The following MEIG1 variants were observed in gnomAD, a reference collection of about 807,000 sequenced individuals.
MEIG1 encodes the protein meiosis/spermiogenesis associated 1.
MEIG1 carries 12 observed loss-of-function variants against 11.3 expected under a neutral mutation model. The ratio of observed to expected loss-of-function variants is 1.07; its 90% CI spans 0.68 to 1.73. The LOEUF (loss-of-function observed/expected upper bound fraction) is 1.73, where lower values mean the gene tolerates loss of function less well. Among genes scored for constraint, MEIG1 ranks in the 40% most tolerant of loss-of-function variants. MEIG1 has a pLI of 0.00. For synonymous variants in MEIG1, 41 were observed against 33.2 expected, an observed-to-expected ratio of 1.24 and a Z score of -0.81; for missense variants, 119 against 104.9, an observed-to-expected ratio of 1.13 and a Z score of -0.59.
At chr10:14,961,861 G>A (rs1028372467) in intron 1 of MEIG1, among the ~76,000 whole-genome samples, 2 of 151,778 alleles carry the variant, frequency 1.3e-5, no homozygotes, top group African/African-American at 2.4e-5. Context: ...AGGCTGGAAT[G>A]CAGTGACTTG....
At position 14,966,585 on chromosome 10, in the gene MEIG1, A is replaced by C. The variant is rs749117126; in HGVS notation, c.117A>C (p.Arg39Ser). 3.1e-6 allele frequency: 5 copies of C among 1,609,946 alleles called. No individual in the cohort carries two copies. The highest frequency in any genetic ancestry group is 4.2e-6 in the Non-Finnish European group (5 of 1,178,868). ...GATATCGGGATGAAACCGAATATAG[A>C]CAAGTGAAACAAGTTTCTATGGTAA... ...QAGYRDETEY[R>S]QVKQVSMVDR... Residue 39 changes from arginine to serine, a missense_variant, in exon 2 of 3, where the codon AGA becomes AGC. Transcript: ENST00000407572.
At chr10:14,979,547 T>C (rs1787094287) in intron 1 of MEIG1, among the ~76,000 whole-genome samples, 1 of 152,040 alleles carries the variant, frequency 6.6e-6, no homozygotes, top group African/African-American at 2.4e-5. Flanking sequence ...TGTGTTATTA[T>C]TACTAATATT....
the MEIG1 span, chr10:14,954,258 C>T: frequency 6.6e-6 from 4 of 609,252 alleles, no homozygotes; most frequent in Non-Finnish European, 1.2e-5. Flanking sequence ...CTGAGCCCTG[C>T]CCAGTGCAAG....
chr10:14,965,012 C>G (rs553379223), intron 1 of MEIG1, among the ~76,000 whole-genome samples: 3 of 152,144 alleles, frequency 2.0e-5, no homozygotes, highest in East Asian at 1.9e-4. Context: ...GTCTTGAACT[C>G]CTGACCTCAG....
intron 1 of MEIG1, among the ~76,000 whole-genome samples, chr10:14,961,473 A>G (rs10906779): frequency 0.096 from 14,626 of 151,582 alleles, 1,449 homozygotes; most frequent in East Asian, 0.27. Flanking sequence ...TAGATGTCAA[A>G]TTTATTTATT....
chr10:14,954,687 C>T (rs1043673530), upstream of MEIG1, among the ~76,000 whole-genome samples: 1 of 152,016 alleles, frequency 6.6e-6, no homozygotes, highest in South Asian at 2.1e-4. Context: ...TCCCCTGGGC[C>T]CCCACCTTTT....
At chr10:14,981,819 C>G (rs1276894371) in intron 1 of MEIG1, among the ~76,000 whole-genome samples, 1 of 152,220 alleles carries the variant, frequency 6.6e-6, no homozygotes, top group Admixed American at 6.5e-5. Context: ...GACAGCCAAG[C>G]TGAGTTTCTT....
chr10:14,977,680 G>C (rs184854862), downstream of MEIG1, among the ~76,000 whole-genome samples: 129 of 145,018 alleles, frequency 8.9e-4, no homozygotes, highest in African/African-American at 3.2e-3. Context: ...GGTATACCCT[G>C]TGATATTATT....
At chr10:14,962,441 C>T (rs541026372) in intron 1 of MEIG1, among the ~76,000 whole-genome samples, 47 of 152,180 alleles carry the variant, frequency 3.1e-4, no homozygotes, top group South Asian at 2.3e-3. Flanking sequence ...TAATAATAAC[C>T]GGAGGATGTC....
chr10:14,962,126 C>CT (rs1236592155), intron 1 of MEIG1, among the ~76,000 whole-genome samples: 2 of 152,056 alleles, frequency 1.3e-5, no homozygotes, highest in African/African-American at 4.8e-5. Context: ...TTTATCAATT[C>CT]TTTTTTTGGC....
At chr10:14,984,330 A>G (rs373847236) in intron 1 of MEIG1, among the ~76,000 whole-genome samples, 4 of 152,008 alleles carry the variant, frequency 2.6e-5, no homozygotes, top group Non-Finnish European at 5.9e-5. Context: ...ATCCTGGGAC[A>G]TTATTTTCCA....
chr10:14,987,222 T>A lies in MEIG1; in HGVS notation n.285+208T>A. On this transcript the variant is annotated intron_variant and non_coding_transcript_variant, in intron 2 of 2. Transcript: ENST00000467536. ...GGAACCGTGGCCGAAGTGAACCCGA[T>A]GTCAGCCCAGCACAGGTTGGAGAGG... The A allele has an allele frequency of 4.2e-6, 4 of 961,880 alleles. No individual in the cohort carries two copies. The East Asian group carries it at 1.1e-4, about 27-fold the overall frequency. 59.6% of individuals were successfully genotyped at this position (961,880 alleles called of 1,614,324 possible). A position where few individuals can be genotyped will look rare whatever the true frequency, so the allele number is the denominator to read the frequency against.
In MEIG1 at chr10:14,972,585, A is replaced by G. The variant is rs1843165173; in HGVS notation, c.211A>G (p.Lys71Glu). The change falls in exon 3 of 3, where the codon AAA becomes GAA. Residue 71 changes from lysine (K) to glutamate (E), a missense_variant. Physicochemically the swap from Lys to Glu is moderately conservative, Grantham distance 56 (BLOSUM62 1). Transcript: ENST00000407572. ...RRDNTFYYYN[K>E]QRECDDKEVH... ...GGACAATACGTTCTATTACTACAAC[A>G]AACAGAGGGAATGTGATGACAAAGA... 2 of 1,613,726 alleles carry G rather than the reference A, an allele frequency of 1.2e-6. No homozygotes were observed. Among genetic ancestry groups the G allele is most frequent in the Non-Finnish European group, 1.7e-6 (2 of 1,179,908 alleles).
At chr10:14,974,625 CTAA>C (rs1421725945), downstream of MEIG1, among the ~76,000 whole-genome samples, 2 of 151,880 alleles carry the variant, frequency 1.3e-5, no homozygotes, top group Non-Finnish European at 2.9e-5. Flanking sequence ...TTAATTGAGA[CTAA>C]TAACTATCAA....
Position 14,972,599 on chromosome 10 carries a change from T to C in MEIG1, c.225T>C (p.Cys75=). ...ATTACTACAACAAACAGAGGGAATGTGATGACAAAGAAGTCCACAAAGTGA... is the reference window on the plus strand; with the variant it reads ...ATTACTACAACAAACAGAGGGAATGCGATGACAAAGAAGTCCACAAAGTGA... The part of the protein sequence containing the change: ...TFYYYNKQRE[C]DDKEVHKVKI... Residue 75 remains cysteine (C), a synonymous_variant, in exon 3 of 3, where the codon TGT becomes TGC. Coordinates refer to ENST00000407572, the MANE Select transcript of MEIG1 (RefSeq NM_001080836.3). 6.2e-7 allele frequency: 1 copy of C among 1,613,180 alleles called. No individual in the cohort carries two copies.
chr10:14,959,212 G>A (rs1423197093), upstream of MEIG1, among the ~76,000 whole-genome samples: 2 of 152,192 alleles, frequency 1.3e-5, no homozygotes, highest in Admixed American at 6.5e-5. Flanking sequence ...CTCCATCTCT[G>A]CTCAGGGGTG....
intron 2 of MEIG1, among the ~76,000 whole-genome samples, chr10:14,968,845 G>A (rs1843117791): frequency 1.3e-5 from 2 of 152,162 alleles, no homozygotes; most frequent in Non-Finnish European, 2.9e-5. Context: ...TTGGGAGGCC[G>A]AGGCAGGTGG....
intron 1 of MEIG1, among the ~76,000 whole-genome samples, chr10:14,963,247 C>T (rs2131262551): frequency 6.6e-6 from 1 of 152,276 alleles, no homozygotes. Flanking sequence ...CAGGCATGCG[C>T]CACCACGCCC....
At chr10:14,963,733 G>A (rs1843042919) in intron 1 of MEIG1, among the ~76,000 whole-genome samples, 1 of 152,186 alleles carries the variant, frequency 6.6e-6, no homozygotes, top group South Asian at 2.1e-4. Flanking sequence ...GGGAGGCCGA[G>A]GTACACGATC....
Sources: allele counts gnomAD v4.1 joint callset (sites outside exome capture counted in the v4.1 genomes callset), GRCh38; gene constraint gnomAD v4.1.1; transcripts MANE v1.5; gene names NCBI Gene and HGNC (gene_info 2026-07-23, HGNC 2026-07-21).